USP34: variants seen among roughly 807,000 people sequenced by gnomAD.
The protein encoded by USP34 is ubiquitin specific peptidase 34.
USP34 carries 70 observed loss-of-function variants against 460.3 expected under a neutral mutation model. The ratio of observed to expected loss-of-function variants is 0.15; its 90% CI spans 0.13 to 0.19. USP34 has a LOEUF of 0.19. Ranked by LOEUF, USP34 falls within the 10% of genes least tolerant of loss-of-function variation. The probability of loss-of-function intolerance (pLI) is 1.00; values close to 1 mark genes in which losing one functional copy is unlikely to be tolerated. For missense variants in USP34, 3,985 were observed against 4,236.2 expected (o/e 0.94, Z 1.65); for synonymous variants, 1,647 against 1,405.3 (o/e 1.17, Z -3.85).
intron 41 of USP34, among the ~76,000 whole-genome samples, chr2:61,270,143 C>T (rs1036967470): frequency 6.6e-6 from 1 of 152,200 alleles, no homozygotes; most frequent in Non-Finnish European, 1.5e-5. Context: ...TGAAACCTAA[C>T]CACCAATGTG....
intron 62 of USP34, among the ~76,000 whole-genome samples, chr2:61,225,025 G>T (rs1687687647): frequency 6.6e-6 from 1 of 152,100 alleles, no homozygotes; most frequent in Admixed American, 6.6e-5. Context: ...CTATACCCTA[G>T]ATGCCAAGGG....
intron 72 of USP34, 108 bp from the exon 73 acceptor site, chr2:61,204,709 G>A (rs2103771061): frequency 1.2e-6 from 1 of 816,822 alleles, no homozygotes; most frequent in Non-Finnish European, 2.0e-6. Flanking sequence ...AGTTTAATGA[G>A]TCTAAAACTA....
intron 1 of USP34, among the ~76,000 whole-genome samples, chr2:61,467,120 T>C (rs936090288): frequency 3.3e-5 from 5 of 151,810 alleles, no homozygotes; most frequent in African/African-American, 7.3e-5. Context: ...CTGGCCAATA[T>C]GGTGAAACCC....
chr2:61,443,657 G>A (rs1206433045), intron 1 of USP34, among the ~76,000 whole-genome samples: 2 of 152,124 alleles, frequency 1.3e-5, no homozygotes, highest in Non-Finnish European at 2.9e-5. Context: ...ATCAGCAGTT[G>A]CCAGTGATTA....
chr2:61,380,118 A>G (rs1178500491), intron 7 of USP34, 51 bp downstream of exon 7: 2 of 1,536,316 alleles, frequency 1.3e-6, no homozygotes, highest in South Asian at 2.4e-5. Flanking sequence ...GTATTATGAT[A>G]GACCAGAAAA....
intron 75 of USP34, among the ~76,000 whole-genome samples, chr2:61,196,275 A>G (rs1413970582): frequency 2.1e-5 from 3 of 144,878 alleles, no homozygotes; most frequent in Non-Finnish European, 4.5e-5. Context: ...TATTTTTAGT[A>G]GAGACGGGGT....
intron 67 of USP34, among the ~76,000 whole-genome samples, chr2:61,215,764 G>A (rs1354968834): frequency 6.6e-6 from 1 of 152,198 alleles, no homozygotes; most frequent in Non-Finnish European, 1.5e-5. Flanking sequence ...TAAGAATTGT[G>A]AGCCTTTACC....
chr2:61,308,281 GA>G (rs1690476278), intron 27 of USP34, among the ~76,000 whole-genome samples: 1 of 151,884 alleles, frequency 6.6e-6, no homozygotes, highest in Admixed American at 6.6e-5. Context: ...CAACAATTAA[GA>G]AAAATGTTAA....
intron 1 of USP34, among the ~76,000 whole-genome samples, chr2:61,449,241 T>TTAAAAAAAAGCCTG (rs1250610000): frequency 8.6e-6 from 1 of 116,626 alleles, no homozygotes; most frequent in Non-Finnish European, 1.7e-5. Context: ...TGGATGACAG[T>TTAAAAAAAAGCCTG]GAGACTCCCT....
At chr2:61,299,040 C>A (rs1690137133) in intron 29 of USP34, among the ~76,000 whole-genome samples, 1 of 151,812 alleles carries the variant, frequency 6.6e-6, no homozygotes, top group Non-Finnish European at 1.5e-5. Context: ...GAACAGAACA[C>A]CAGCACTAGG....
intron 67 of USP34, among the ~76,000 whole-genome samples, chr2:61,216,245 G>A (rs1687392859): frequency 6.6e-6 from 1 of 152,120 alleles, no homozygotes. Flanking sequence ...TGGCATGTAG[G>A]TATCATCCTG....
chr2:61,429,589 A>G (rs1323369391), intron 1 of USP34, among the ~76,000 whole-genome samples: 1 of 152,142 alleles, frequency 6.6e-6, no homozygotes. Context: ...ATGGCACCAC[A>G]TGACAGGTAA....
At chr2:61,311,935 T>A (rs373231420) in intron 25 of USP34, 25 bp from the exon 26 acceptor site, 2 of 1,607,354 alleles carry the variant, frequency 1.2e-6, no homozygotes, top group South Asian at 1.1e-5. Flanking sequence ...AAACAACACA[T>A]AGAAAGGATA....
At chr2:61,445,157 A>C (rs2104038213) in intron 1 of USP34, among the ~76,000 whole-genome samples, 1 of 148,732 alleles carries the variant, frequency 6.7e-6, no homozygotes, top group East Asian at 2.0e-4. Flanking sequence ...CAACAGCAGA[A>C]CCACACTAAA....
intron 27 of USP34, among the ~76,000 whole-genome samples, chr2:61,310,443 T>C (rs1458093899): frequency 1.3e-5 from 2 of 151,930 alleles, no homozygotes; most frequent in African/African-American, 4.8e-5. Flanking sequence ...TGAACTAACA[T>C]GAAATGTTTT....
At chr2:61,198,831 T>C (rs1227960168) in intron 75 of USP34, among the ~76,000 whole-genome samples, 2 of 152,194 alleles carry the variant, frequency 1.3e-5, no homozygotes, top group Non-Finnish European at 2.9e-5. Context: ...GTCACACCAC[T>C]GCACTCCAGC....
intron 58 of USP34, among the ~76,000 whole-genome samples, chr2:61,230,364 A>G (rs1434272269): frequency 1.3e-5 from 2 of 152,142 alleles, no homozygotes; most frequent in Non-Finnish European, 2.9e-5. Context: ...CACTTCTACT[A>G]AAAATACAAA....
intron 18 of USP34, among the ~76,000 whole-genome samples, chr2:61,335,849 CA>C (rs745898484): frequency 1.1e-4 from 17 of 152,140 alleles, no homozygotes; most frequent in Non-Finnish European, 1.8e-4. Flanking sequence ...TGATTTATTC[CA>C]AGAGTTTGTG....
intron 2 of USP34, among the ~76,000 whole-genome samples, chr2:61,415,902 C>T (rs1694180127): frequency 1.3e-5 from 2 of 152,120 alleles, no homozygotes. Context: ...TTTCTAAATG[C>T]CTCATATAAA....
Sources: allele counts gnomAD v4.1 joint callset (sites outside exome capture counted in the v4.1 genomes callset), GRCh38; gene constraint gnomAD v4.1.1; transcripts MANE v1.5; gene names NCBI Gene and HGNC (gene_info 2026-07-23, HGNC 2026-07-21).